CNTNAP2: variants seen among roughly 807,000 people sequenced by gnomAD.
CNTNAP2 encodes the protein contactin associated protein 2.
A neutral mutation model predicts 155.2 loss-of-function variants in CNTNAP2; 98 were observed. That is an observed-to-expected ratio of 0.63 (90% CI 0.54 to 0.75). The LOEUF (loss-of-function observed/expected upper bound fraction) is 0.75, where lower values mean the gene tolerates loss of function less well. Ranked by LOEUF, CNTNAP2 falls within the 30% of genes least tolerant of loss-of-function variation. CNTNAP2 has a pLI of 0.00. For synonymous variants in CNTNAP2, 651 were observed against 631.2 expected, an observed-to-expected ratio of 1.03 and a Z score of -0.47; for missense variants, 1,727 against 1,688.1, an observed-to-expected ratio of 1.02 and a Z score of -0.40.
intron 10 of CNTNAP2, among the ~76,000 whole-genome samples, chr7:147,408,510 C>T (rs552040773): frequency 4.5e-4 from 68 of 152,304 alleles, no homozygotes; most frequent in African/African-American, 1.6e-3. Context: ...CCTCTAATCC[C>T]GGCACTTTGG....
chr7:146,257,482 C>T (rs1799857744), intron 1 of CNTNAP2, among the ~76,000 whole-genome samples: 1 of 152,200 alleles, frequency 6.6e-6, no homozygotes, highest in Admixed American at 6.5e-5. Context: ...TTTTCAAAAA[C>T]TATCACGTAC....
At chr7:146,591,665 T>C (rs1366684282) in intron 1 of CNTNAP2, among the ~76,000 whole-genome samples, 1 of 152,198 alleles carries the variant, frequency 6.6e-6, no homozygotes, top group African/African-American at 2.4e-5. Flanking sequence ...TTTTATTGGC[T>C]TCTTTTTCCC....
At chr7:147,850,819 C>A (rs1798923433) in intron 13 of CNTNAP2, among the ~76,000 whole-genome samples, 1 of 152,130 alleles carries the variant, frequency 6.6e-6, no homozygotes, top group Admixed American at 6.5e-5. Flanking sequence ...CATAAAAACT[C>A]TAGAAGAAAA....
At chr7:146,338,616 C>T (rs17170039) in intron 1 of CNTNAP2, among the ~76,000 whole-genome samples, 10,081 of 152,136 alleles carry the variant, frequency 0.066, 551 homozygotes, top group African/African-American at 0.15. Context: ...CTAGTTAATA[C>T]CCACTCATGG....
intron 3 of CNTNAP2, among the ~76,000 whole-genome samples, chr7:147,042,936 C>T (rs1799287210): frequency 6.6e-6 from 1 of 152,176 alleles, no homozygotes; most frequent in South Asian, 2.1e-4. Context: ...AAAGCCTCAA[C>T]TTGTCTATTA....
chr7:147,087,670 C>T (rs1307606683), intron 4 of CNTNAP2, among the ~76,000 whole-genome samples: 3 of 152,100 alleles, frequency 2.0e-5, no homozygotes, highest in Non-Finnish European at 4.4e-5. Flanking sequence ...GTTGCTTCTA[C>T]TTTATTTATA....
intron 4 of CNTNAP2, among the ~76,000 whole-genome samples, chr7:147,066,880 GATCAGGGTGCTAGC>G (rs1799788616): frequency 6.6e-6 from 1 of 152,176 alleles, no homozygotes; most frequent in African/African-American, 2.4e-5. Context: ...GGAAATCTAA[GATCAGGGTGCTAGC>G]ATCATCGAGT....
chr7:147,689,794 G>T (rs143173024), intron 13 of CNTNAP2, among the ~76,000 whole-genome samples: 2,500 of 152,218 alleles, frequency 0.016, 222 homozygotes, highest in Admixed American at 0.15. Flanking sequence ...AGGATTTGAA[G>T]TAGGGGTTAT....
At chr7:146,160,953 A>G (rs1245188037) in intron 1 of CNTNAP2, among the ~76,000 whole-genome samples, 2 of 152,248 alleles carry the variant, frequency 1.3e-5, no homozygotes, top group African/African-American at 4.8e-5. Flanking sequence ...AAAATCCTCA[A>G]TAAAATACTG....
In CNTNAP2 at chr7:147,608,791, G is replaced by A. The variant is rs181902192; in HGVS notation, c.1898-30315G>A. ...TGTTTATTTCACCCGGGTGCAGGCGGGCTGAGTCCGAAAAGAGAGTCAGCA... is the reference window on the plus strand; with the variant it reads ...TGTTTATTTCACCCGGGTGCAGGCGAGCTGAGTCCGAAAAGAGAGTCAGCA... On this transcript the variant is annotated intron_variant, in intron 12 of 23. Coordinates refer to ENST00000361727, the MANE Select transcript of CNTNAP2 (RefSeq NM_014141.6). 2.7e-3 allele frequency among the ~76,000 whole-genome samples: 408 copies of A among 152,244 alleles called. 8 individuals carry two copies. The highest frequency in any genetic ancestry group is 9.5e-3 in the African/African-American group (395 of 41,550).
At chr7:147,969,149 A>C in intron 14 of CNTNAP2, among the ~76,000 whole-genome samples, 1 of 152,228 alleles carries the variant, frequency 6.6e-6, no homozygotes, top group East Asian at 1.9e-4. Flanking sequence ...TCCTAGGCTC[A>C]AGCAATCCTC....
intron 1 of CNTNAP2, among the ~76,000 whole-genome samples, chr7:146,259,131 C>T (rs1799882701): frequency 6.6e-6 from 1 of 152,158 alleles, no homozygotes; most frequent in Non-Finnish European, 1.5e-5. Context: ...GCTTGCTTAT[C>T]CTTCACCTTT....
At chr7:147,924,692 A>T (rs541725950) in intron 14 of CNTNAP2, among the ~76,000 whole-genome samples, 1 of 152,254 alleles carries the variant, frequency 6.6e-6, no homozygotes, top group Non-Finnish European at 1.5e-5. Context: ...GGGAAGATGG[A>T]ACAGAGAAGG....
At chr7:147,353,775 C>T (rs550364304) in intron 9 of CNTNAP2, among the ~76,000 whole-genome samples, 9 of 152,110 alleles carry the variant, frequency 5.9e-5, no homozygotes, top group East Asian at 1.9e-4. Flanking sequence ...ACTGTAAAAG[C>T]GTTTATATTT....
intron 9 of CNTNAP2, among the ~76,000 whole-genome samples, chr7:147,322,813 TG>T (rs1238997953): frequency 2.2e-5 from 3 of 138,288 alleles, no homozygotes; most frequent in Non-Finnish European, 3.1e-5. Flanking sequence ...GGAGGGTGTA[TG>T]TGTCCAGGAA....
chr7:146,973,213 A>G (rs1351225110), intron 3 of CNTNAP2, among the ~76,000 whole-genome samples: 1 of 152,132 alleles, frequency 6.6e-6, no homozygotes, highest in African/African-American at 2.4e-5. Flanking sequence ...ATTTTAGTAG[A>G]GACAGGGTTT....
chr7:146,660,999 G>A (rs1800077806), intron 1 of CNTNAP2, among the ~76,000 whole-genome samples: 2 of 152,152 alleles, frequency 1.3e-5, no homozygotes, highest in African/African-American at 2.4e-5. Context: ...AAAAGCACTG[G>A]AACAGGCCCA....
intron 1 of CNTNAP2, among the ~76,000 whole-genome samples, chr7:146,599,890 T>C (rs779677181): frequency 9.2e-5 from 14 of 152,156 alleles, no homozygotes; most frequent in Non-Finnish European, 1.5e-4. Context: ...TACTCTATGC[T>C]TTTGATGGCA....
At chr7:148,130,837 T>C (rs1360025610) in intron 16 of CNTNAP2, among the ~76,000 whole-genome samples, 3 of 152,142 alleles carry the variant, frequency 2.0e-5, no homozygotes, top group African/African-American at 7.2e-5. Context: ...TGATTTATAA[T>C]ATAAAAAATA....
Sources: allele counts gnomAD v4.1 joint callset (sites outside exome capture counted in the v4.1 genomes callset), GRCh38; gene constraint gnomAD v4.1.1; transcripts MANE v1.5; gene names NCBI Gene and HGNC (gene_info 2026-07-23, HGNC 2026-07-21).